Variants in FNDC3A observed in about 807,000 individuals in gnomAD.
The protein encoded by FNDC3A is fibronectin type-III domain-containing protein 3A.
FNDC3A carries 32 observed loss-of-function variants against 148.9 expected under a neutral mutation model. The observed-to-expected ratio is 0.21, with a 90% CI of 0.16 to 0.29. The LOEUF is 0.29. FNDC3A is among the 10% of genes least tolerant of loss of function. The probability of loss-of-function intolerance (pLI) is 1.00; values close to 1 mark genes in which losing one functional copy is unlikely to be tolerated. For synonymous variants in FNDC3A, 472 were observed against 473.6 expected (o/e 1.00, Z 0.04); for missense variants, 1,191 against 1,452.8 (o/e 0.82, Z 2.93).
In FNDC3A at chr13:49,032,476, C is replaced by T. The variant is rs115418263; in HGVS notation, c.99+26187C>T. ...TGGAATGAAGCACTTCAGTATATGC[C>T]GCAATGTGGATGAACCTCAAAAACA... is the stretch of plus-strand genomic sequence containing the variant. On this transcript the variant is annotated intron_variant, in intron 2 of 25. Coordinates refer to ENST00000492622, the MANE Select transcript of FNDC3A (RefSeq NM_001079673.2). Among the ~76,000 whole-genome samples the T allele has an allele frequency of 8.3e-3, 1,259 of 152,196 alleles. 18 individuals are homozygous for T. The highest frequency in any genetic ancestry group is 0.029 in the African/African-American group (1,187 of 41,512).
intron 8 of FNDC3A, among the ~76,000 whole-genome samples, chr13:49,149,251 G>GT (rs1305668312): frequency 6.6e-6 from 1 of 151,838 alleles, no homozygotes; most frequent in Non-Finnish European, 1.5e-5. Flanking sequence ...TATTGGAGTG[G>GT]TGAGAGTAGG....
intron 4 of FNDC3A, among the ~76,000 whole-genome samples, chr13:49,127,809 A>G (rs140846730): frequency 1.4e-3 from 212 of 152,312 alleles, no homozygotes; most frequent in African/African-American, 4.9e-3. Flanking sequence ...CATTGATGGA[A>G]GACTATTGTT....
At chr13:49,092,482 A>C (rs914328276) in intron 3 of FNDC3A, among the ~76,000 whole-genome samples, 3 of 152,180 alleles carry the variant, frequency 2.0e-5, no homozygotes, top group African/African-American at 7.2e-5. Flanking sequence ...CATCCAGATT[A>C]AGGTTAGGTC....
intron 4 of FNDC3A, among the ~76,000 whole-genome samples, chr13:49,129,565 C>T (rs1458841990): frequency 6.6e-6 from 1 of 152,184 alleles, no homozygotes; most frequent in Non-Finnish European, 1.5e-5. Context: ...AAAAAGCTAT[C>T]AGCAGTTCCC....
chr13:49,064,121 T>G (rs1426976925), intron 2 of FNDC3A, among the ~76,000 whole-genome samples: 1 of 152,072 alleles, frequency 6.6e-6, no homozygotes, highest in African/African-American at 2.4e-5. Context: ...GGTGGGCAGA[T>G]CACGAGGTCA....
At chr13:49,022,690 C>T (rs1234176414) in intron 2 of FNDC3A, among the ~76,000 whole-genome samples, 1 of 152,118 alleles carries the variant, frequency 6.6e-6, no homozygotes, top group Non-Finnish European at 1.5e-5. Context: ...CTTCTAACTG[C>T]TATGCAGCTT....
intron 7 of FNDC3A, among the ~76,000 whole-genome samples, chr13:49,141,135 A>G (rs1466708983): frequency 6.6e-6 from 1 of 152,208 alleles, no homozygotes; most frequent in East Asian, 1.9e-4. Flanking sequence ...TTAGGAGTTG[A>G]GTGACCCATG....
chr13:49,108,117 G>A (rs1439217042), intron 3 of FNDC3A, among the ~76,000 whole-genome samples: 83 of 152,166 alleles, frequency 5.5e-4, no homozygotes, highest in Non-Finnish European at 2.9e-5. Flanking sequence ...GGAGTTCTAA[G>A]TAATAAGTTC....
intron 23 of FNDC3A, among the ~76,000 whole-genome samples, chr13:49,199,760 A>G (rs1886339794): frequency 6.6e-6 from 1 of 152,164 alleles, no homozygotes; most frequent in African/African-American, 2.4e-5. Context: ...TCAGTTTTTC[A>G]CTGTGTGATC....
rs1011860641 is a variant in FNDC3A at position 48,979,872 on chromosome 13, G to A, written c.-40+3695G>A. Among the ~76,000 whole-genome samples the A allele has an allele frequency of 2.0e-5, 3 of 152,020 alleles. No homozygotes were observed. The South Asian group carries it at 6.2e-4, about 32-fold the overall frequency. ...AAAACGTAAAAATTTTTACATTGTT[G>A]TCTCAAGAGCCAAACAAAAACAAGC... is the stretch of plus-strand genomic sequence containing the variant. On this transcript the variant is annotated intron_variant, in intron 1 of 25. Coordinates refer to ENST00000492622, the MANE Select transcript of FNDC3A (RefSeq NM_001079673.2).
At chr13:49,104,820 A>T (rs1194705423) in intron 3 of FNDC3A, among the ~76,000 whole-genome samples, 1 of 152,180 alleles carries the variant, frequency 6.6e-6, no homozygotes, top group Non-Finnish European at 1.5e-5. Flanking sequence ...AGACTTAAAG[A>T]CTTATGTGAA....
At chr13:49,097,046 G>A (rs1879570319) in intron 3 of FNDC3A, among the ~76,000 whole-genome samples, 1 of 152,070 alleles carries the variant, frequency 6.6e-6, no homozygotes. Flanking sequence ...ATCTGAAAAT[G>A]AGACTAAAAA....
At chr13:49,002,329 A>G (rs562967441) in intron 1 of FNDC3A, among the ~76,000 whole-genome samples, 3 of 152,246 alleles carry the variant, frequency 2.0e-5, no homozygotes, top group Admixed American at 2.0e-4. Flanking sequence ...GTTGAGGTAT[A>G]TTTCTTCTAG....
In FNDC3A at chr13:49,197,747, A is replaced by T; in HGVS notation, c.2363A>T (p.Asp788Val). The T allele has an allele frequency of 6.2e-7, 1 of 1,610,508 alleles. No homozygotes were observed. The highest frequency in any genetic ancestry group is 8.5e-7 in the Non-Finnish European group (1 of 1,179,166). The change falls in exon 21 of 26, where the codon GAT becomes GTT. Residue 788 changes from aspartate to valine, a missense_variant. Around this residue, in one of 3 missense-constraint regions of FNDC3A, gnomAD observed 751 missense variants for 944.0 expected, o/e 0.80. Coordinates refer to ENST00000492622, the MANE Select transcript of FNDC3A (RefSeq NM_001079673.2). The stretch of plus-strand genomic sequence containing the variant: ...AAGGTTCCTTTGAGTAATGGAACAG[A>T]TGTCACTGAATATCGACTGGAGTGG... ...NWEVPLSNGT[D>V]VTEYRLEWGG...
At chr13:49,022,084 A>T (rs1183804928) in intron 2 of FNDC3A, among the ~76,000 whole-genome samples, 1 of 152,174 alleles carries the variant, frequency 6.6e-6, no homozygotes, top group African/African-American at 2.4e-5. Context: ...CAATGAATAA[A>T]CCATTTCACA....
Position 49,208,243 on chromosome 13 carries a change from CATA to C in FNDC3A, c.*849_*851del, listed in dbSNP as rs1427934797. ...TAAGGGTATACACATACATATATGG[CATA>C]TAACAAGTGTACACATATACACATA... On this transcript the variant is annotated 3_prime_UTR_variant, in exon 26 of 26. Coordinates refer to ENST00000492622, the MANE Select transcript of FNDC3A (RefSeq NM_001079673.2). The C allele has an allele frequency of 2.0e-5, 3 of 152,334 alleles. No individual in the cohort carries two copies. The highest frequency in any genetic ancestry group is 4.4e-5 in the Non-Finnish European group (3 of 68,002). 9.4% of individuals were successfully genotyped at this position (152,334 alleles called of 1,614,324 possible). A position where few individuals can be genotyped will look rare whatever the true frequency, so the allele number is the denominator to read the frequency against.
intron 8 of FNDC3A, among the ~76,000 whole-genome samples, chr13:49,155,372 T>C (rs1351518250): frequency 1.3e-5 from 2 of 150,728 alleles, no homozygotes; most frequent in Non-Finnish European, 2.9e-5. Flanking sequence ...ATATCCCCTT[T>C]ATCATTTTTT....
At chr13:49,054,666 C>T (rs919798491) in intron 2 of FNDC3A, among the ~76,000 whole-genome samples, 3 of 152,194 alleles carry the variant, frequency 2.0e-5, no homozygotes, top group African/African-American at 7.2e-5. Context: ...ACTCACATCT[C>T]TATGACATAT....
intron 10 of FNDC3A, among the ~76,000 whole-genome samples, chr13:49,171,624 C>T (rs1228160601): frequency 6.6e-6 from 1 of 152,150 alleles, no homozygotes. Flanking sequence ...CCTCTCAGAG[C>T]TCCTTTCAGC....
Sources: allele counts gnomAD v4.1 joint callset (sites outside exome capture counted in the v4.1 genomes callset), GRCh38; gene constraint gnomAD v4.1.1; regional missense constraint gnomAD v4.1.1; transcripts MANE v1.5; gene names NCBI Gene and HGNC (gene_info 2026-07-23, HGNC 2026-07-21).